The following DSC2 variants were observed in gnomAD, a reference collection of about 807,000 sequenced individuals.
DSC2 encodes desmocollin 2, also known as desmocollin-2.
A neutral mutation model predicts 87.6 loss-of-function variants in DSC2; 51 were observed. The observed-to-expected ratio is 0.58, with a 90% CI of 0.46 to 0.74. The LOEUF (loss-of-function observed/expected upper bound fraction) is 0.74, where lower values mean the gene tolerates loss of function less well. DSC2 is among the 30% of genes least tolerant of loss of function. The probability of loss-of-function intolerance (pLI) is 0.00; values close to 1 mark genes in which losing one functional copy is unlikely to be tolerated. For synonymous variants in DSC2, 383 were observed against 393.2 expected (o/e 0.97, Z 0.31); for missense variants, 1,066 against 1,089.5 (o/e 0.98, Z 0.30).
At chr18:31,075,960 A>G (rs925038526) in intron 11 of DSC2, among the ~76,000 whole-genome samples, 1 of 152,250 alleles carries the variant, frequency 6.6e-6, no homozygotes, top group African/African-American at 2.4e-5. Context: ...AAGATGAAAC[A>G]GCCATGGACC....
At position 31,064,610 on chromosome 18, in the gene DSC2, T is replaced by C. The variant is rs905237926; in HGVS notation, c.*3405A>G. ...ACCTGATTTGATGTGGTAGTATGTG[T>C]TTGTCTTTTTGCATGAGTTTGAAGT... On this transcript the variant is annotated 3_prime_UTR_variant, in exon 16 of 16. Coordinates refer to ENST00000280904, the MANE Select transcript of DSC2 (RefSeq NM_024422.6). 6.6e-5 allele frequency: 10 copies of C among 152,082 alleles called. No homozygotes were observed. The highest frequency in any genetic ancestry group is 2.2e-4 in the African/African-American group (9 of 41,408). 9.4% of individuals were successfully genotyped at this position (152,082 alleles called of 1,614,324 possible).
At chr18:31,099,607 G>A (rs939540022) in intron 1 of DSC2, among the ~76,000 whole-genome samples, 2 of 152,076 alleles carry the variant, frequency 1.3e-5, no homozygotes, top group South Asian at 2.1e-4. Flanking sequence ...AAAAAGGCGG[G>A]GGGGAGTGAA....
intron 4 of DSC2, among the ~76,000 whole-genome samples, chr18:31,090,724 T>C (rs564994173): frequency 6.2e-4 from 94 of 152,286 alleles, no homozygotes; most frequent in African/African-American, 2.2e-3. Context: ...TCTCCTTTAT[T>C]ATGCAAGAGA....
chr18:31,084,413 GT>G (rs1371888474), intron 7 of DSC2, among the ~76,000 whole-genome samples: 2 of 152,076 alleles, frequency 1.3e-5, no homozygotes, highest in African/African-American at 4.8e-5. Context: ...AGGAAATGAA[GT>G]TTGATACCCT....
Position 31,080,278 on chromosome 18 carries a change from C to T in DSC2, c.1338G>A (p.Glu446=). 6.2e-7 allele frequency: 1 copy of T among 1,614,022 alleles called. No homozygotes were observed. Among genetic ancestry groups the T allele is most frequent in the Non-Finnish European group, 8.5e-7 (1 of 1,179,990 alleles). The change falls in exon 10 of 16, where the codon GAG becomes GAA. Residue 446 remains glutamate, a synonymous_variant. Coordinates refer to ENST00000280904, the MANE Select transcript of DSC2 (RefSeq NM_024422.6). ...GVVNEAPFSR[E]ASPRSAMSTA... is the part of the protein sequence containing the mutation. ...TGCTCATGGCTGATCTTGGACTAGC[C>T]TCTCTGGAAAATGGAGCTTCATTAA...
intron 15 of DSC2, 62 bp downstream of exon 15, chr18:31,068,828 CAGTT>C: frequency 1.3e-6 from 2 of 1,567,900 alleles, no homozygotes; most frequent in Non-Finnish European, 1.7e-6. Context: ...AGTCAGAATC[CAGTT>C]AGTTATTTAT....
At position 31,080,217 on chromosome 18, in the gene DSC2, C is replaced by G. The variant is rs1208470556; in HGVS notation, c.1399G>C (p.Glu467Gln). The G allele has an allele frequency of 3.7e-6, 6 of 1,613,994 alleles. 1 individual carries two copies. In the Middle Eastern group the frequency reaches 4.9e-4, roughly 133 times the overall value. The change falls in exon 10 of 16, where the codon GAG (glutamate) becomes CAG (glutamine). Residue 467 changes from glutamate (E) to glutamine (Q), a missense_variant. Coordinates refer to ENST00000280904, the MANE Select transcript of DSC2 (RefSeq NM_024422.6). ...TVTVNVEDQD[E>Q]GPECNPPIQT... Reference sequence around the variant, plus strand: ...ATTGGAGGGTTACACTCAGGGCCCTCATCCTGATCTTCTACATTAACAGTA... The same window carrying G: ...ATTGGAGGGTTACACTCAGGGCCCTGATCCTGATCTTCTACATTAACAGTA...
In DSC2 at chr18:31,062,084, G is replaced by A. The variant is rs1986512613; in HGVS notation, c.*5931C>T. 1 of 152,170 alleles carries A rather than the reference G, an allele frequency of 6.6e-6. No individual in the cohort carries two copies. 9.4% of individuals were successfully genotyped at this position (152,170 alleles called of 1,614,324 possible). On this transcript the variant is annotated 3_prime_UTR_variant, in exon 16 of 16. Transcript: ENST00000280904. Reference sequence around the variant, plus strand: ...AGCACAATATAGGCATTGCCTCTGAGGCTCATTGCTATGCATTTCTTTCCC... The same window carrying A: ...AGCACAATATAGGCATTGCCTCTGAAGCTCATTGCTATGCATTTCTTTCCC...
At position 31,086,728 on chromosome 18, in the gene DSC2, G is replaced by T; in HGVS notation, c.790C>A (p.Gln264Lys). ...ENCRVGTTVG[Q>K]VCATDKDEPD... ...TCATCTTTGTCAGTAGCACACACTT[G>T]TCCCACAGTAGTGCCTAGAGAAGAA... Residue 264 changes from glutamine to lysine, a missense_variant, in exon 7 of 16, where the codon CAA becomes AAA. Transcript: ENST00000280904. 6.2e-7 allele frequency: 1 copy of T among 1,614,030 alleles called. No individual in the cohort carries two copies. The highest frequency in any genetic ancestry group is 8.5e-7 in the Non-Finnish European group (1 of 1,179,976).
Position 31,097,670 on chromosome 18 carries a change from G to A in DSC2, c.70-4027C>T, listed in dbSNP as rs114094310. Among the ~76,000 whole-genome samples the A allele has an allele frequency of 2.4e-3, 364 of 151,868 alleles. 6 individuals are homozygous for A. Among genetic ancestry groups the A allele is most frequent in the African/African-American group, 8.6e-3 (355 of 41,176 alleles). The stretch of plus-strand genomic sequence containing the variant: ...AAATCTCAACAATTAAATCAATATG[G>A]TACTGGCATATGAATAGAATGATAT... On this transcript the variant is annotated intron_variant, in intron 1 of 15. Transcript: ENST00000280904.
Position 31,102,084 on chromosome 18 carries a change from G to A in DSC2, c.-113C>T, listed in dbSNP as rs866593085. 1.1e-6 allele frequency: 1 copy of A among 905,296 alleles called. No individual in the cohort carries two copies. The highest frequency in any genetic ancestry group is 1.5e-6 in the Non-Finnish European group (1 of 655,610). The allele number at this position is 905,296 out of a possible 1,614,324, so 56.1% of individuals were successfully genotyped here. On this transcript the variant is annotated 5_prime_UTR_variant, in exon 1 of 16. Transcript: ENST00000280904. Reference sequence around the variant, plus strand: ...TGGGCCCGCTGCTCAGGAGGAGCGCGAGGCGGAGGAGGTGGGGCGCGCGGA... The same window carrying A: ...TGGGCCCGCTGCTCAGGAGGAGCGCAAGGCGGAGGAGGTGGGGCGCGCGGA...
At chr18:31,073,366 C>G (rs1440866085) in intron 12 of DSC2, among the ~76,000 whole-genome samples, 1 of 54,834 alleles carries the variant, frequency 1.8e-5, no homozygotes, top group Non-Finnish European at 3.8e-5. Flanking sequence ...CCCCGATACA[C>G]ACACACGCAC....
chr18:31,074,183 G>A (rs540766866), intron 12 of DSC2, among the ~76,000 whole-genome samples: 1 of 152,236 alleles, frequency 6.6e-6, no homozygotes, highest in Admixed American at 6.5e-5. Context: ...TTCTCTTTTT[G>A]CCCAATCCTA....
In DSC2 at chr18:31,093,582, T is replaced by C; in HGVS notation, c.131A>G (p.Asp44Gly). The change falls in exon 2 of 16, where the codon GAT (aspartate) becomes GGT (glycine). Residue 44 changes from aspartate to glycine, a missense_variant. Asp to Gly is a moderately conservative substitution (Grantham distance 94, BLOSUM62 -1). Coordinates refer to ENST00000280904, the MANE Select transcript of DSC2 (RefSeq NM_024422.6). Reference sequence around the variant, plus strand: ...ACCTCTACCAACAAGTTTCTCGGCATCTAGTTTGGAGGGAACATGTAATGT... The same window carrying C: ...ACCTCTACCAACAAGTTTCTCGGCACCTAGTTTGGAGGGAACATGTAATGT... ...NVTLHVPSKL[D>G]AEKLVGRVNL... 1 of 1,606,686 alleles carries C rather than the reference T, an allele frequency of 6.2e-7. No homozygotes were observed. Among genetic ancestry groups the C allele is most frequent in the Non-Finnish European group, 8.5e-7 (1 of 1,175,194 alleles).
In DSC2 at chr18:31,079,964, C is replaced by G. The variant is rs747538136; in HGVS notation, c.1546G>C (p.Gly516Arg). 4.3e-6 allele frequency: 7 copies of G among 1,613,828 alleles called. No individual in the cohort carries two copies. Among genetic ancestry groups the G allele is most frequent in the Non-Finnish European group, 3.4e-6 (4 of 1,179,902 alleles). ...GTATTTTCATCAATGGTGACCCACC[C>G]TGTTGGATCAGTTAATTTCTTATAC... ...IRYKKLTDPTGWVTIDENTGS... is the reference protein window; with the variant it reads ...IRYKKLTDPTRWVTIDENTGS... Residue 516 changes from glycine (G) to arginine (R), a missense_variant, in exon 11 of 16, where the codon GGG (glycine) becomes CGG (arginine). Physicochemically the swap from Gly to Arg is moderately radical, Grantham distance 125 (BLOSUM62 -2). Transcript: ENST00000280904.
intron 15 of DSC2, among the ~76,000 whole-genome samples, chr18:31,068,667 C>T (rs753896602): frequency 6.6e-6 from 1 of 152,008 alleles, no homozygotes; most frequent in South Asian, 2.1e-4. Context: ...ATTTAAATCT[C>T]ATCACACATT....
Position 31,061,176 on chromosome 18 carries a change from T to G in DSC2, c.*6839A>C, listed in dbSNP as rs189897245. ...TGCTGATGGTCAGTGAAACACACTC[T>G]AAAAATTATACAAGCGAATATATCA... On this transcript the variant is annotated 3_prime_UTR_variant, in exon 16 of 16. Transcript: ENST00000280904. 1 of 152,344 alleles carries G rather than the reference T, an allele frequency of 6.6e-6. No individual in the cohort carries two copies. The highest frequency in any genetic ancestry group is 6.5e-5 in the Admixed American group (1 of 15,292). 9.4% of individuals were successfully genotyped at this position (152,344 alleles called of 1,614,324 possible).
chr18:31,082,837 C>G, intron 8 of DSC2, 89 bp downstream of exon 8: 18 of 1,455,540 alleles, frequency 1.2e-5, no homozygotes, highest in Non-Finnish European at 1.6e-5. Context: ...AGATTACAGG[C>G]GTGAGCCACT....
rs1359714142 is a variant in DSC2, at chr18:31,060,649, G to A, written c.*7366C>T. 2 of 152,126 alleles carry A rather than the reference G, an allele frequency of 1.3e-5. No homozygotes were observed. The highest frequency in any genetic ancestry group is 2.1e-4 in the South Asian group (1 of 4,828). The allele number at this position is 152,126 out of a possible 1,614,324, so 9.4% of individuals were successfully genotyped here. ...TTATCTCTGGAGATTTGGCAATTCTGATTTTTAAAAATATATGCAACTTAC... is the reference window on the plus strand; with the variant it reads ...TTATCTCTGGAGATTTGGCAATTCTAATTTTTAAAAATATATGCAACTTAC... On this transcript the variant is annotated 3_prime_UTR_variant, in exon 16 of 16. Coordinates refer to ENST00000280904, the MANE Select transcript of DSC2 (RefSeq NM_024422.6).
Sources: gnomAD v4.1 joint callset for allele counts (sites outside exome capture counted in the v4.1 genomes callset) on GRCh38, gnomAD v4.1.1 for gene constraint, MANE v1.5 for transcripts, NCBI Gene and HGNC (gene_info 2026-07-23, HGNC 2026-07-21) for gene names.